Variants in NXPE2 observed in about 807,000 individuals in gnomAD.
The protein encoded by NXPE2 is neurexophilin and PC-esterase domain family member 2, also known as NXPE family member 2.
A neutral mutation model predicts 34.4 loss-of-function variants in NXPE2; 34 were observed. The observed-to-expected ratio is 0.99, with a 90% CI of 0.75 to 1.31. The LOEUF (loss-of-function observed/expected upper bound fraction) is 1.31. NXPE2 is among the 40% of genes most tolerant of loss of function. The pLI is 0.00. For missense variants in NXPE2, 649 were observed against 672.5 expected (o/e 0.97, Z 0.39); for synonymous variants, 235 against 231.3 (o/e 1.02, Z -0.15).
the NXPE2 span, among the ~76,000 whole-genome samples, chr11:114,662,691 A>G: frequency 6.6e-6 from 1 of 152,020 alleles, no homozygotes; most frequent in South Asian, 2.1e-4. Context: ...TTTGTCTTCC[A>G]TTTAGGATAC....
chr11:114,765,394 T>C, the NXPE2 span, among the ~76,000 whole-genome samples: 4 of 152,252 alleles, frequency 2.6e-5, no homozygotes, highest in Non-Finnish European at 5.9e-5. Flanking sequence ...AGTTTCTGTG[T>C]TGATATTTTT....
At chr11:114,672,140 AC>A in the NXPE2 span, among the ~76,000 whole-genome samples, 1 of 151,932 alleles carries the variant, frequency 6.6e-6, no homozygotes, top group Admixed American at 6.6e-5. Context: ...GGGGAAGTCC[AC>A]CCCCATGATT....
the NXPE2 span, among the ~76,000 whole-genome samples, chr11:114,589,825 C>A: frequency 1.3e-5 from 2 of 152,146 alleles, no homozygotes; most frequent in African/African-American, 4.8e-5. Context: ...CTGTAACAGT[C>A]CCTACAACAC....
At chr11:114,593,438 G>A in the NXPE2 span, among the ~76,000 whole-genome samples, 1 of 152,212 alleles carries the variant, frequency 6.6e-6, no homozygotes, top group Non-Finnish European at 1.5e-5. Flanking sequence ...CAACATCATT[G>A]ATCATCAGAG....
At chr11:114,727,978 G>T in the NXPE2 span, among the ~76,000 whole-genome samples, 1 of 151,982 alleles carries the variant, frequency 6.6e-6, no homozygotes, top group African/African-American at 2.4e-5. Context: ...TAAAGTCAAG[G>T]TGTTAGCAAG....
At chr11:114,576,824 A>G in the NXPE2 span, among the ~76,000 whole-genome samples, 1 of 151,714 alleles carries the variant, frequency 6.6e-6, no homozygotes, top group Admixed American at 6.6e-5. Flanking sequence ...TGATCCAGCA[A>G]TCCTGCTTCT....
chr11:114,570,142 T>G, the NXPE2 span, among the ~76,000 whole-genome samples: 1 of 152,184 alleles, frequency 6.6e-6, no homozygotes, highest in Non-Finnish European at 1.5e-5. Context: ...GCCCTTTGTT[T>G]GGGGCTCAGA....
the NXPE2 span, among the ~76,000 whole-genome samples, chr11:114,723,618 A>G: frequency 3.1e-4 from 47 of 152,150 alleles, 1 homozygote; most frequent in Admixed American, 2.5e-3. Flanking sequence ...ATAAGGAGAT[A>G]TATTTACCTT....
At chr11:114,579,261 G>C in the NXPE2 span, among the ~76,000 whole-genome samples, 3 of 152,128 alleles carry the variant, frequency 2.0e-5, no homozygotes, top group African/African-American at 7.2e-5. Context: ...CATTACCATG[G>C]GGAGGGCACC....
At chr11:114,625,472 G>A in the NXPE2 span, among the ~76,000 whole-genome samples, 2 of 151,968 alleles carry the variant, frequency 1.3e-5, no homozygotes, top group African/African-American at 2.4e-5. Flanking sequence ...CTGTCACCCG[G>A]TGGATAATAT....
chr11:114,535,784 A>T, the NXPE2 span, among the ~76,000 whole-genome samples: 6 of 152,218 alleles, frequency 3.9e-5, no homozygotes, highest in Non-Finnish European at 8.8e-5. Context: ...TCATAAAGCA[A>T]GTCCTTAGTG....
the NXPE2 span, chr11:114,580,028 A>C: frequency 9.9e-7 from 1 of 1,011,042 alleles, no homozygotes; most frequent in Non-Finnish European, 1.5e-6. Context: ...GTTGTGATTG[A>C]AGAATATGAA....
the NXPE2 span, chr11:114,530,176 T>C: frequency 6.3e-7 from 1 of 1,599,246 alleles, no homozygotes; most frequent in Non-Finnish European, 8.5e-7. Context: ...TATACTCACC[T>C]GTGGAAAAGG....
chr11:114,540,659 C>T, the NXPE2 span, among the ~76,000 whole-genome samples: 3 of 151,540 alleles, frequency 2.0e-5, no homozygotes, highest in East Asian at 3.9e-4. Flanking sequence ...CAACTCTGAA[C>T]GAAATGCCAA....
chr11:114,782,086 A>T, the NXPE2 span, among the ~76,000 whole-genome samples: 1 of 152,336 alleles, frequency 6.6e-6, no homozygotes, highest in Admixed American at 6.5e-5. Flanking sequence ...TACTTCTAAT[A>T]CCTAATACAA....
At chr11:114,663,633 C>CATCTATT in the NXPE2 span, among the ~76,000 whole-genome samples, 2 of 103,818 alleles carry the variant, frequency 1.9e-5, no homozygotes, top group South Asian at 6.5e-4. Context: ...ATCTATCTAT[C>CATCTATT]TATCATCTAT....
the NXPE2 span, among the ~76,000 whole-genome samples, chr11:114,533,596 G>A: frequency 9.9e-5 from 15 of 152,202 alleles, no homozygotes; most frequent in Admixed American, 1.3e-4. Flanking sequence ...CTAATACTGC[G>A]CTTTTCCAAT....
At chr11:114,570,134 C>T in the NXPE2 span, among the ~76,000 whole-genome samples, 7 of 152,132 alleles carry the variant, frequency 4.6e-5, no homozygotes, top group Non-Finnish European at 1.0e-4. Context: ...TAGGAAAAGC[C>T]CTTTGTTTGG....
chr11:114,795,692 G>A, the NXPE2 span, among the ~76,000 whole-genome samples: 3 of 152,166 alleles, frequency 2.0e-5, no homozygotes, highest in South Asian at 2.1e-4. Context: ...TTCCAGTTAG[G>A]ATGGTGCCCT....
Sources: allele counts gnomAD v4.1 joint callset (sites outside exome capture counted in the v4.1 genomes callset), GRCh38; gene constraint gnomAD v4.1.1; transcripts MANE v1.5; gene names NCBI Gene and HGNC (gene_info 2026-07-23, HGNC 2026-07-21).